The following OTOGL variants were observed in gnomAD, a reference collection of about 807,000 sequenced individuals.
OTOGL encodes otogelin-like protein.
In OTOGL, 285 loss-of-function variants were observed where a neutral mutation model predicts 318.5. The ratio of observed to expected loss-of-function variants is 0.89; its 90% CI spans 0.81 to 0.99. OTOGL has a LOEUF of 0.99. OTOGL is among the 50% of genes least tolerant of loss of function. The pLI, the probability that OTOGL is intolerant of heterozygous loss-of-function variation, is 0.00. For missense variants in OTOGL, 2,899 were observed against 2,845.6 expected (o/e 1.02, Z -0.43); for synonymous variants, 987 against 936.5 (o/e 1.05, Z -0.99).
At chr12:80,175,507 T>C (rs1308561742) in intron 1 of OTOGL, among the ~76,000 whole-genome samples, 1 of 152,242 alleles carries the variant, frequency 6.6e-6, no homozygotes, top group Non-Finnish European at 1.5e-5. Context: ...ATAAAGACTC[T>C]TAGATATTAC....
rs1211264045 is a variant in OTOGL, at chr12:80,355,716, A to C, written c.5594-20A>C. On this transcript the variant is annotated intron_variant, in intron 46 of 58. Transcript: ENST00000547103. Reference sequence around the variant, plus strand: ...TAGTGCCCAGGTTTTGAGTGTTATAATACTGTTGATCTTTTTAAGCATGCA... The same window carrying C: ...TAGTGCCCAGGTTTTGAGTGTTATACTACTGTTGATCTTTTTAAGCATGCA... The C allele has an allele frequency of 1.9e-6, 3 of 1,596,974 alleles. No homozygotes were observed. The highest frequency in any genetic ancestry group is 1.7e-6 in the Non-Finnish European group (2 of 1,168,968).
At chr12:80,329,247 C>T (rs1887913972) in intron 37 of OTOGL, 128 bp downstream of exon 37, 2 of 698,722 alleles carry the variant, frequency 2.9e-6, no homozygotes, top group East Asian at 3.3e-5. Flanking sequence ...ACCCAGCAGT[C>T]ACTTTTGCTT....
intron 10 of OTOGL, 59 bp downstream of exon 10, chr12:80,239,037 T>A (rs929816621): frequency 5.4e-6 from 8 of 1,471,476 alleles, no homozygotes; most frequent in Admixed American, 4.9e-5. Flanking sequence ...ATCTTATTTG[T>A]ATAATTAACT....
intron 1 of OTOGL, among the ~76,000 whole-genome samples, chr12:80,137,221 G>C (rs1182038197): frequency 6.6e-6 from 1 of 151,998 alleles, no homozygotes; most frequent in Non-Finnish European, 1.5e-5. Context: ...AAAAATGCCA[G>C]TGGTTACTAT....
At chr12:80,322,774 C>T (rs370365085) in intron 34 of OTOGL, among the ~76,000 whole-genome samples, 3 of 152,076 alleles carry the variant, frequency 2.0e-5, no homozygotes, top group Non-Finnish European at 2.9e-5. Context: ...TTTTCAAATC[C>T]GCCCATATAT....
At chr12:80,335,862 C>A in intron 38 of OTOGL, 101 bp from the exon 39 acceptor site, 2 of 1,086,840 alleles carry the variant, frequency 1.8e-6, no homozygotes, top group Non-Finnish European at 2.4e-6. Flanking sequence ...TTTTTGTATT[C>A]AATAAATGTA....
rs113599679 is a variant in OTOGL at position 80,199,982 on chromosome 12, C to T, written c.-19-9431C>T. On this transcript the variant is annotated intron_variant, in intron 1 of 58. Transcript: ENST00000547103. ...AATCTCATTTCCCATTACACTTCAC[C>T]CCATGTTCCAATCCTTCCCACTGAG... 2.3e-3 allele frequency among the ~76,000 whole-genome samples: 347 copies of T among 152,250 alleles called. 1 individual carries two copies. The highest frequency in any genetic ancestry group is 7.8e-3 in the African/African-American group (324 of 41,530).
At chr12:80,251,138 A>T (rs1881507666) in intron 11 of OTOGL, among the ~76,000 whole-genome samples, 1 of 152,250 alleles carries the variant, frequency 6.6e-6, no homozygotes, top group Non-Finnish European at 1.5e-5. Flanking sequence ...ATCATGGAAT[A>T]ACTACGTTTT....
At position 80,251,633 on chromosome 12, in the gene OTOGL, A is replaced by G. The variant is rs766884912; in HGVS notation, c.1053-60A>G. The G allele has an allele frequency of 7.2e-4, 977 of 1,350,272 alleles. 1 individual carries two copies. Among genetic ancestry groups the G allele is most frequent in the Non-Finnish European group, 7.4e-4 (722 of 969,218 alleles). 83.6% of individuals were successfully genotyped at this position (1,350,272 alleles called of 1,614,324 possible). ...AGCATTTCTAGGGATCAGGACCTCA[A>G]TGGTATGGTTTCTGTCAATATTTCC... is the stretch of plus-strand genomic sequence containing the variant. On this transcript the variant is annotated intron_variant, in intron 11 of 58. Coordinates refer to ENST00000547103, the MANE Select transcript of OTOGL (RefSeq NM_001378609.3).
intron 1 of OTOGL, among the ~76,000 whole-genome samples, chr12:80,118,748 G>A (rs1870313741): frequency 6.6e-6 from 1 of 151,996 alleles, no homozygotes; most frequent in South Asian, 2.1e-4. Context: ...AACATATTTT[G>A]GTAGGAAAAA....
At chr12:80,123,677 C>T (rs949898646) in intron 1 of OTOGL, among the ~76,000 whole-genome samples, 8 of 152,182 alleles carry the variant, frequency 5.3e-5, no homozygotes, top group Non-Finnish European at 7.4e-5. Flanking sequence ...GTTCCCATTT[C>T]TCCACATCCT....
intron 37 of OTOGL, among the ~76,000 whole-genome samples, chr12:80,331,540 A>G (rs1475818347): frequency 1.3e-5 from 2 of 151,834 alleles, no homozygotes; most frequent in Non-Finnish European, 2.9e-5. Flanking sequence ...GGGTTTCGCC[A>G]TGTTGGCCAG....
chr12:80,104,494 A>G (rs1592454631), intron 1 of OTOGL, among the ~76,000 whole-genome samples: 1 of 152,146 alleles, frequency 6.6e-6, no homozygotes, highest in Non-Finnish European at 1.5e-5. Context: ...GAAGGACCCA[A>G]CTCACTTAGC....
chr12:80,340,802 A>G (rs1340033077), intron 43 of OTOGL, among the ~76,000 whole-genome samples: 1 of 152,158 alleles, frequency 6.6e-6, no homozygotes, highest in Non-Finnish European at 1.5e-5. Context: ...TTGACATCTT[A>G]TTCTACACAG....
intron 1 of OTOGL, among the ~76,000 whole-genome samples, chr12:80,182,231 C>T (rs1211889612): frequency 6.6e-6 from 1 of 152,080 alleles, no homozygotes; most frequent in African/African-American, 2.4e-5. Context: ...ATTCTTGCCC[C>T]TAAATGTTAT....
intron 26 of OTOGL, among the ~76,000 whole-genome samples, chr12:80,290,237 C>T (rs971901229): frequency 1.3e-5 from 2 of 151,964 alleles, no homozygotes; most frequent in African/African-American, 4.8e-5. Context: ...TCTAACCAGT[C>T]CTAGAGAGAT....
rs1555295038 is a variant in OTOGL, at chr12:80,308,987, A to AGGGAGACCGTG, written c.3334-1618_3334-1617insCCGTGGGGAGA. Among the ~76,000 whole-genome samples, 3 of 37,200 alleles carry AGGGAGACCGTG rather than the reference A, an allele frequency of 8.1e-5. No individual in the cohort carries two copies. The East Asian group carries it at 0.041, about 503-fold the overall frequency. 24.4% of individuals were successfully genotyped at this position (37,200 alleles called of 152,430 possible). A position where few individuals can be genotyped will look rare whatever the true frequency, so the allele number is the denominator to read the frequency against. The stretch of plus-strand genomic sequence containing the variant: ...AGAGGGAGAGGGAGACCGTGGGGAG[A>AGGGAGACCGTG]GGGAGAGGGAGAGGGAGAGGGAGAG... On this transcript the variant is annotated intron_variant, in intron 29 of 58. Transcript: ENST00000547103.
At chr12:80,144,358 A>G (rs1229885280) in intron 1 of OTOGL, among the ~76,000 whole-genome samples, 4 of 151,216 alleles carry the variant, frequency 2.6e-5, no homozygotes, top group Non-Finnish European at 4.4e-5. Context: ...TTCCAATTTC[A>G]TCCATGTCCC....
chr12:80,323,941 T>A lies in OTOGL; in HGVS notation c.4199+101T>A, dbSNP rs80079650. On this transcript the variant is annotated intron_variant, in intron 35 of 58. Coordinates refer to ENST00000547103, the MANE Select transcript of OTOGL (RefSeq NM_001378609.3). ...TTTAAAAACAGCCATTCTCAAGTTG[T>A]ATATGCTATATATTCTTTCATGATA... is the stretch of plus-strand genomic sequence containing the variant. 7,098 of 788,786 alleles carry A rather than the reference T, an allele frequency of 9.0e-3. 250 individuals are homozygous for A. In the African/African-American group the frequency reaches 0.093, roughly 10 times the overall value. The allele number at this position is 788,786 out of a possible 1,614,324, so 48.9% of individuals were successfully genotyped here.
Sources: gnomAD v4.1 joint callset for allele counts (sites outside exome capture counted in the v4.1 genomes callset) on GRCh38, gnomAD v4.1.1 for gene constraint, MANE v1.5 for transcripts, NCBI Gene and HGNC (gene_info 2026-07-23, HGNC 2026-07-21) for gene names.